Variants in APBB2 observed in about 807,000 individuals in gnomAD.
The protein encoded by APBB2 is amyloid beta precursor protein binding family B member 2.
A neutral mutation model predicts 82.5 loss-of-function variants in APBB2; 38 were observed. That is an observed-to-expected ratio of 0.46 (90% CI 0.36 to 0.60). The LOEUF (loss-of-function observed/expected upper bound fraction) is 0.60. Ranked by LOEUF, APBB2 falls within the 20% of genes least tolerant of loss-of-function variation. The probability of loss-of-function intolerance (pLI) is 0.00; values close to 1 mark genes in which losing one functional copy is unlikely to be tolerated. For missense variants in APBB2, 772 were observed against 972.3 expected (o/e 0.79, Z 2.74); for synonymous variants, 341 against 368.2 (o/e 0.93, Z 0.85).
At chr4:40,920,398 A>G (rs1388179847) in intron 10 of APBB2, among the ~76,000 whole-genome samples, 4 of 152,196 alleles carry the variant, frequency 2.6e-5, no homozygotes, top group Admixed American at 2.0e-4. Flanking sequence ...CAGCATCAGA[A>G]CAGACTAATA....
intron 12 of APBB2, among the ~76,000 whole-genome samples, chr4:40,885,732 C>A (rs573960418): frequency 6.6e-6 from 1 of 152,272 alleles, no homozygotes; most frequent in South Asian, 2.1e-4. Flanking sequence ...AGTGTTGCCA[C>A]GAATTTAAAT....
intron 1 of APBB2, among the ~76,000 whole-genome samples, chr4:41,161,503 G>A (rs960949639): frequency 1.2e-4 from 19 of 152,176 alleles, no homozygotes; most frequent in Non-Finnish European, 5.9e-5. Flanking sequence ...CTACTCAGGA[G>A]GCTGAGGTGG....
chr4:40,859,785 CTT>C (rs1018203377), intron 12 of APBB2, among the ~76,000 whole-genome samples: 2 of 152,214 alleles, frequency 1.3e-5, no homozygotes, highest in African/African-American at 4.8e-5. Context: ...ATTCCCTCCT[CTT>C]TGTCTCTGCT....
intron 12 of APBB2, among the ~76,000 whole-genome samples, chr4:40,858,008 C>G (rs1288101273): frequency 1.3e-5 from 2 of 152,162 alleles, no homozygotes; most frequent in East Asian, 3.8e-4. Context: ...CAGTACACCC[C>G]TACACCCTTT....
chr4:40,991,315 C>T (rs1406065603), intron 6 of APBB2, among the ~76,000 whole-genome samples: 1 of 150,978 alleles, frequency 6.6e-6, no homozygotes, highest in African/African-American at 2.4e-5. Context: ...CCGTGCCTTG[C>T]TGGGTTTTGA....
intron 7 of APBB2, among the ~76,000 whole-genome samples, chr4:40,943,154 G>T (rs945132952): frequency 6.6e-6 from 1 of 152,158 alleles, no homozygotes; most frequent in African/African-American, 2.4e-5. Flanking sequence ...TCTGACCTAG[G>T]ATCTGGGAGG....
At chr4:41,194,554 G>A in intron 1 of APBB2, among the ~76,000 whole-genome samples, 1 of 152,162 alleles carries the variant, frequency 6.6e-6, no homozygotes, top group African/African-American at 2.4e-5. Flanking sequence ...ATGGTGGCAG[G>A]CGCCTGTAGT....
chr4:41,157,716 C>T (rs28431172), intron 1 of APBB2, among the ~76,000 whole-genome samples: 4,423 of 152,260 alleles, frequency 0.029, 124 homozygotes, highest in African/African-American at 0.073. Context: ...CTCCAGGCCG[C>T]GCAGTGGCTC....
intron 6 of APBB2, among the ~76,000 whole-genome samples, chr4:41,007,458 T>C (rs1410319128): frequency 1.3e-5 from 2 of 152,116 alleles, no homozygotes; most frequent in Non-Finnish European, 2.9e-5. Context: ...TCAATCTCAA[T>C]CCAAGGCAAA....
At chr4:41,179,968 G>C (rs1580665965) in intron 1 of APBB2, among the ~76,000 whole-genome samples, 2 of 152,354 alleles carry the variant, frequency 1.3e-5, no homozygotes, top group South Asian at 4.1e-4. Flanking sequence ...TAACTCATTA[G>C]AGAATTTAAT....
chr4:40,898,158 T>A lies in APBB2; in HGVS notation c.1255-4747A>T, dbSNP rs536547991. ...TCATCTGTAAAATAATAATGCCACC[T>A]ATACTTTACAGCATGTGCGAGGCCC... is the stretch of plus-strand genomic sequence containing the variant. On this transcript the variant is annotated intron_variant, in intron 10 of 17. Coordinates refer to ENST00000508593, the MANE Select transcript of APBB2 (RefSeq NM_004307.2). Among the ~76,000 whole-genome samples, 9 of 152,368 alleles carry A rather than the reference T, an allele frequency of 5.9e-5. No homozygotes were observed. In the South Asian group the frequency reaches 1.9e-3, roughly 32 times the overall value.
At chr4:41,101,156 A>G (rs1009920652) in intron 2 of APBB2, among the ~76,000 whole-genome samples, 5 of 152,204 alleles carry the variant, frequency 3.3e-5, no homozygotes, top group African/African-American at 9.7e-5. Context: ...TTATCAACAC[A>G]GAAGTAGTTG....
chr4:41,000,103 G>GTA (rs1428555373), intron 6 of APBB2, among the ~76,000 whole-genome samples: 4 of 135,066 alleles, frequency 3.0e-5, no homozygotes, highest in South Asian at 5.0e-4. Flanking sequence ...GTGTGTGTGT[G>GTA]TGTATAAATT....
chr4:41,196,052 G>C, intron 1 of APBB2, among the ~76,000 whole-genome samples: 4 of 151,998 alleles, frequency 2.6e-5, no homozygotes, highest in African/African-American at 9.7e-5. Context: ...CCAGCTACTT[G>C]GGAGGCTGAG....
intron 3 of APBB2, among the ~76,000 whole-genome samples, chr4:41,090,606 A>T (rs982622954): frequency 3.3e-5 from 5 of 152,200 alleles, no homozygotes; most frequent in Non-Finnish European, 7.3e-5. Flanking sequence ...AAGATTTTTT[A>T]AAAAGATATA....
chr4:40,866,025 C>T (rs770154105), intron 12 of APBB2, among the ~76,000 whole-genome samples: 3 of 152,226 alleles, frequency 2.0e-5, no homozygotes, highest in Non-Finnish European at 4.4e-5. Context: ...AAACGGTGCA[C>T]CTCCTCAGAA....
intron 2 of APBB2, among the ~76,000 whole-genome samples, chr4:41,135,206 C>T (rs756366122): frequency 3.3e-5 from 5 of 151,194 alleles, no homozygotes; most frequent in Non-Finnish European, 7.4e-5. Flanking sequence ...CCTTACAAAC[C>T]CAAGCATAGC....
chr4:40,848,803 G>A (rs1200498765), intron 12 of APBB2: 3 of 960,030 alleles, frequency 3.1e-6, no homozygotes, highest in Non-Finnish European at 3.7e-6. Context: ...CTTGCTGATC[G>A]GCTGCTTGGT....
chr4:41,000,010 AT>A (rs1804692038), intron 6 of APBB2, among the ~76,000 whole-genome samples: 1 of 142,070 alleles, frequency 7.0e-6, no homozygotes, highest in Non-Finnish European at 1.6e-5. Flanking sequence ...AAAACCCCGT[AT>A]TTACAAAAAA....
Sources: gnomAD v4.1 joint callset for allele counts (sites outside exome capture counted in the v4.1 genomes callset) on GRCh38, gnomAD v4.1.1 for gene constraint, MANE v1.5 for transcripts, NCBI Gene and HGNC (gene_info 2026-07-23, HGNC 2026-07-21) for gene names.